MOV10L1: variants seen among roughly 807,000 people sequenced by gnomAD.
MOV10L1 encodes the protein RNA helicase Mov10l1.
Under a neutral mutation model 143.8 loss-of-function variants are expected in MOV10L1, and 110 were observed. The observed-to-expected ratio is 0.76, with a 90% CI of 0.66 to 0.90. The LOEUF is 0.90. Among genes scored for constraint, MOV10L1 ranks in the 40% least tolerant of loss-of-function variants. MOV10L1 has a pLI of 0.00. For synonymous variants in MOV10L1, 593 were observed against 581.1 expected (o/e 1.02, Z -0.29); for missense variants, 1,406 against 1,526.8 (o/e 0.92, Z 1.32).
intron 18 of MOV10L1, 24 bp downstream of exon 18, chr22:50,144,267 G>A (rs751867988): frequency 5.7e-6 from 9 of 1,579,832 alleles, no homozygotes; most frequent in Non-Finnish European, 7.8e-6. Flanking sequence ...GCAAGCAGTG[G>A]GGGGCACCAG....
chr22:50,113,924 T>TC lies in MOV10L1; in HGVS notation c.884+136_884+137insC, dbSNP rs1437120388. 11 of 984,798 alleles carry TC rather than the reference T, an allele frequency of 1.1e-5. No individual in the cohort carries two copies. In the African/African-American group the frequency reaches 2.0e-4, roughly 18 times the overall value. 61.0% of individuals were successfully genotyped at this position (984,798 alleles called of 1,614,324 possible). A position where few individuals can be genotyped will look rare whatever the true frequency, so the allele number is the denominator to read the frequency against. ...ATGAAGATCTTTTCTTTTTTTTTTT[T>TC]TTTTTTTTTTTTGAGACAGCGTCTT... On this transcript the variant is annotated intron_variant, in intron 6 of 26. Transcript: ENST00000262794.
At chr22:50,154,388 T>C (rs2063372464) in intron 22 of MOV10L1, among the ~76,000 whole-genome samples, 1 of 151,584 alleles carries the variant, frequency 6.6e-6, no homozygotes, top group African/African-American at 2.4e-5. Context: ...GAAACTCCCA[T>C]CTCTTAAAAA....
At chr22:50,109,341 A>G (rs1057506190) in intron 5 of MOV10L1, among the ~76,000 whole-genome samples, 2 of 151,972 alleles carry the variant, frequency 1.3e-5, no homozygotes, top group African/African-American at 4.8e-5. Context: ...CCTGGGCAAC[A>G]TAGTGAGACC....
chr22:50,098,669 G>C (rs930283017), intron 2 of MOV10L1, among the ~76,000 whole-genome samples: 51 of 152,294 alleles, frequency 3.3e-4, no homozygotes, highest in African/African-American at 9.9e-4. Context: ...GTTTTCCACA[G>C]ATGAGATCCT....
chr22:50,127,542 G>A (rs1034739034), intron 12 of MOV10L1, among the ~76,000 whole-genome samples: 3 of 152,150 alleles, frequency 2.0e-5, no homozygotes, highest in Non-Finnish European at 4.4e-5. Context: ...ATCCCAGGGC[G>A]TAGCTTCCCG....
intron 9 of MOV10L1, among the ~76,000 whole-genome samples, chr22:50,118,217 G>A (rs1283838659): frequency 3.0e-5 from 3 of 99,044 alleles, no homozygotes; most frequent in Non-Finnish European, 7.3e-5. Flanking sequence ...ACCTTTTAAG[G>A]TTAGACCATT....
chr22:50,141,335 CTT>C (rs57632309), intron 15 of MOV10L1, among the ~76,000 whole-genome samples: 33,974 of 146,212 alleles, frequency 0.23, 4,194 homozygotes, highest in Admixed American at 0.36. Flanking sequence ...TGCGTGCAGC[CTT>C]TTTTTTTTTT....
intron 13 of MOV10L1, among the ~76,000 whole-genome samples, chr22:50,130,050 TG>T (rs1406034495): frequency 6.6e-6 from 1 of 152,096 alleles, no homozygotes; most frequent in Non-Finnish European, 1.5e-5. Flanking sequence ...CCAAGGCAGG[TG>T]GATCTCTTGA....
chr22:50,111,010 TCCCTACTTGTGGGGCAGC>T, intron 5 of MOV10L1, among the ~76,000 whole-genome samples: 1 of 152,190 alleles, frequency 6.6e-6, no homozygotes, highest in South Asian at 2.1e-4. Flanking sequence ...TTCCCTGAGC[TCCCTACTTGTGGGGCAGC>T]CCCAGCTCTG....
chr22:50,108,195 T>C lies in MOV10L1; in HGVS notation c.502T>C (p.Trp168Arg). 6.2e-7 allele frequency: 1 copy of C among 1,614,060 alleles called. No individual in the cohort carries two copies. The highest frequency in any genetic ancestry group is 8.5e-7 in the Non-Finnish European group (1 of 1,180,016). The change falls in exon 4 of 27, where the codon TGG (tryptophan) becomes CGG (arginine). Residue 168 changes from tryptophan to arginine, a missense_variant. Physicochemically the swap from Trp to Arg is moderately radical, Grantham distance 101. Around this residue, in one of 3 missense-constraint regions of MOV10L1, gnomAD observed 1,233 missense variants for 1,351.4 expected, o/e 0.91. Transcript: ENST00000262794. ...TGAGTACCGGATCCGGCCTGGCACG[T>C]GGAGCAGCGAAGCCACCTCAGTGAA... is the stretch of plus-strand genomic sequence containing the variant. Reference protein sequence around the residue: ...EAEYRIRPGTWSSEATSVKPL... With the variant: ...EAEYRIRPGTRSSEATSVKPL...
chr22:50,114,447 A>G lies in MOV10L1; in HGVS notation c.951A>G (p.Gln317=), dbSNP rs1225372758. The G allele has an allele frequency of 6.2e-7, 1 of 1,614,232 alleles. No homozygotes were observed. The highest frequency in any genetic ancestry group is 1.1e-5 in the South Asian group (1 of 91,088). The change falls in exon 7 of 27, where the codon CAA becomes CAG. Residue 317 remains glutamine (Q), a synonymous_variant. Transcript: ENST00000262794. ...TGGCTGGCTGGGATAAATCTAAACA[A>G]TTCAGATTCCAAATGCTGGATAAAG... ...CKLAGWDKSK[Q]FRFQMLDKDQ... is the part of the protein sequence containing the mutation.
chr22:50,099,736 C>T, intron 3 of MOV10L1, 134 bp downstream of exon 3: 1 of 1,092,710 alleles, frequency 9.2e-7, no homozygotes, highest in Non-Finnish European at 1.3e-6. Flanking sequence ...TCGCTTGAGC[C>T]CAGGAGTTGG....
intron 24 of MOV10L1, among the ~76,000 whole-genome samples, chr22:50,160,112 C>G (rs1015798774): frequency 1.4e-4 from 22 of 152,066 alleles, no homozygotes; most frequent in Non-Finnish European, 3.1e-4. Flanking sequence ...AGGAGAGCCC[C>G]TAAGACCCCG....
At chr22:50,108,538 G>A in intron 4 of MOV10L1, 119 bp from the exon 5 acceptor site, 1 of 1,082,892 alleles carries the variant, frequency 9.2e-7, no homozygotes, top group East Asian at 2.4e-5. Context: ...CTACGGGATG[G>A]CGGACTTGAG....
intron 5 of MOV10L1, among the ~76,000 whole-genome samples, chr22:50,109,057 T>C (rs2061950371): frequency 6.6e-6 from 1 of 151,862 alleles, no homozygotes; most frequent in African/African-American, 2.4e-5. Context: ...GGCAGGAAAA[T>C]TGCTTGAACC....
At chr22:50,117,867 C>T (rs2062225433) in intron 9 of MOV10L1, among the ~76,000 whole-genome samples, 2 of 152,198 alleles carry the variant, frequency 1.3e-5, no homozygotes, top group Admixed American at 6.5e-5. Flanking sequence ...CAGATTTTAA[C>T]TGGAGGGTAG....
At chr22:50,146,934 C>G (rs893581357) in intron 19 of MOV10L1, 1 of 816,866 alleles carries the variant, frequency 1.2e-6, no homozygotes, top group Admixed American at 2.3e-5. Context: ...TAGAGCATGT[C>G]AGGTTTCAGA....
At chr22:50,091,581 C>A (rs955638460) in intron 1 of MOV10L1, 1 of 168,740 alleles carries the variant, frequency 5.9e-6, no homozygotes, top group Non-Finnish European at 1.3e-5. Context: ...GAGGTCCATA[C>A]ATGCACGTGT....
At chr22:50,102,013 T>C (rs2061757135) in intron 3 of MOV10L1, among the ~76,000 whole-genome samples, 1 of 151,958 alleles carries the variant, frequency 6.6e-6, no homozygotes, top group Admixed American at 6.6e-5. Flanking sequence ...AAACCAGAAA[T>C]GTTTGATGTT....
Sources: allele counts gnomAD v4.1 joint callset (sites outside exome capture counted in the v4.1 genomes callset), GRCh38; gene constraint gnomAD v4.1.1; regional missense constraint gnomAD v4.1.1; transcripts MANE v1.5; gene names NCBI Gene and HGNC (gene_info 2026-07-23, HGNC 2026-07-21).